The following MTCL1 variants were observed in gnomAD, a reference collection of about 807,000 sequenced individuals.
The protein encoded by MTCL1 is microtubule crosslinking factor 1.
Under a neutral mutation model 141.4 loss-of-function variants are expected in MTCL1, and 79 were observed. The ratio of observed to expected loss-of-function variants is 0.56; its 90% CI spans 0.47 to 0.67. MTCL1 has a LOEUF of 0.67. Ranked by LOEUF, MTCL1 falls within the 30% of genes least tolerant of loss-of-function variation. MTCL1 has a pLI of 0.00. For missense variants in MTCL1, 2,177 were observed against 2,113.9 expected, an observed-to-expected ratio of 1.03 and a Z score of -0.59; for synonymous variants, 914 against 875.8, an observed-to-expected ratio of 1.04 and a Z score of -0.77.
rs760879912 is a variant in MTCL1 at position 8,826,084 on chromosome 18, C to T, written c.4574C>T (p.Thr1525Met). 8 of 1,611,138 alleles carry T rather than the reference C, an allele frequency of 5.0e-6. No individual in the cohort carries two copies. In the Admixed American group the frequency reaches 5.0e-5, roughly 10 times the overall value. ...GACTTATCTGCTCCCCCTGGCTACA[C>T]GCTCACTGAGAACGTGGCCCGGATC... The change falls in exon 15 of 17, where the codon ACG (threonine) becomes ATG (methionine). Residue 1525 changes from threonine to methionine, a missense_variant. Physicochemically the swap from Thr to Met is moderately conservative, Grantham distance 81 (BLOSUM62 -1). Transcript: ENST00000359865.
chr18:8,825,195 G>T, exon 15 of MTCL1: 1 of 1,583,216 alleles, frequency 6.3e-7, no homozygotes, highest in Admixed American at 1.8e-5. Context: ...CACCAAGGGA[G>T]GCCCTCCAGA....
At chr18:8,716,146 T>G (rs1369579966), upstream of MTCL1, among the ~76,000 whole-genome samples, 1 of 152,270 alleles carries the variant, frequency 6.6e-6, no homozygotes, top group African/African-American at 2.4e-5. Context: ...CATCTTATAC[T>G]TTTAATATTT....
rs532917305 is a variant in MTCL1, at chr18:8,789,579, C to T, written c.1888-3419C>T. 82 of 985,362 alleles carry T rather than the reference C, an allele frequency of 8.3e-5. 1 individual carries two copies. The South Asian group carries it at 3.3e-3, about 40-fold the overall frequency. 61.0% of individuals were successfully genotyped at this position (985,362 alleles called of 1,614,324 possible). ...TTGGGGAAGACATGGACGGGAGTTC[C>T]GGAACACTGACGTGGGGAGAATGGT... On this transcript the variant is annotated intron_variant, in intron 7 of 16. Coordinates refer to ENST00000359865, the Ensembl canonical transcript of MTCL1.
intron 8 of MTCL1, 110 bp downstream of exon 7, chr18:8,793,230 T>G (rs2075799377): frequency 6.7e-7 from 1 of 1,486,142 alleles, no homozygotes; most frequent in Non-Finnish European, 9.1e-7. Flanking sequence ...TACAGGCTGC[T>G]AGACTCCTGG....
At chr18:8,757,635 G>A (rs368615125) in intron 4 of MTCL1, among the ~76,000 whole-genome samples, 2 of 152,196 alleles carry the variant, frequency 1.3e-5, no homozygotes, top group East Asian at 1.9e-4. Flanking sequence ...TGCAAGGGCC[G>A]TGTCCCCTTG....
intron 4 of MTCL1, among the ~76,000 whole-genome samples, chr18:8,728,923 C>T (rs566694829): frequency 4.0e-5 from 6 of 151,816 alleles, no homozygotes; most frequent in African/African-American, 1.4e-4. Flanking sequence ...TTAGAAGAAA[C>T]AAGGGTTTCA....
exon 17 of MTCL1, chr18:8,832,699 C>T (rs1036337197): frequency 2.0e-5 from 3 of 152,102 alleles, no homozygotes; most frequent in Non-Finnish European, 2.9e-5. Context: ...CACAAGGATA[C>T]CAAATGGAAA....
intron 4 of MTCL1, among the ~76,000 whole-genome samples, chr18:8,764,991 A>C (rs1483008678): frequency 6.6e-6 from 1 of 152,218 alleles, no homozygotes; most frequent in Non-Finnish European, 1.5e-5. Context: ...AAAACAAAAT[A>C]GTGGCCTATG....
At chr18:8,803,643 A>G (rs1397057349) in intron 10 of MTCL1, among the ~76,000 whole-genome samples, 2 of 152,164 alleles carry the variant, frequency 1.3e-5, no homozygotes, top group Non-Finnish European at 2.9e-5. Flanking sequence ...GATAACAGGT[A>G]CCAATAGCAT....
chr18:8,768,884 C>A (rs2096472397), intron 4 of MTCL1, among the ~76,000 whole-genome samples: 1 of 151,478 alleles, frequency 6.6e-6, no homozygotes, highest in Admixed American at 6.6e-5. Flanking sequence ...CTCCACCTCC[C>A]AGGTTCAAGC....
chr18:8,788,394 C>T (rs543036291), intron 7 of MTCL1, among the ~76,000 whole-genome samples: 7 of 152,204 alleles, frequency 4.6e-5, no homozygotes, highest in Non-Finnish European at 8.8e-5. Context: ...GTATCAGCGA[C>T]ATCAAAGAAG....
At chr18:8,812,285 G>GT (rs1001872496) in intron 11 of MTCL1, among the ~76,000 whole-genome samples, 5 of 151,424 alleles carry the variant, frequency 3.3e-5, no homozygotes, top group South Asian at 2.1e-4. Flanking sequence ...GGTTTTTTTT[G>GT]TTTTTTTGTT....
At chr18:8,765,880 G>A (rs2096457400) in intron 4 of MTCL1, among the ~76,000 whole-genome samples, 2 of 152,134 alleles carry the variant, frequency 1.3e-5, no homozygotes, top group African/African-American at 4.8e-5. Flanking sequence ...AGCAAACAGA[G>A]CTCCCTGACT....
intron 4 of MTCL1, among the ~76,000 whole-genome samples, chr18:8,747,994 G>A (rs1043515454): frequency 1.3e-5 from 2 of 152,080 alleles, no homozygotes; most frequent in African/African-American, 4.8e-5. Context: ...ACACACCTAA[G>A]CTCTGTGTCC....
intron 1 of MTCL1, among the ~76,000 whole-genome samples, chr18:8,707,839 C>T (rs1268628774): frequency 6.6e-6 from 1 of 152,188 alleles, no homozygotes; most frequent in East Asian, 1.9e-4. Flanking sequence ...GTGAAGTCTG[C>T]AGTTCACACG....
At chr18:8,718,085 C>A in intron 2 of MTCL1, 1 of 712,430 alleles carries the variant, frequency 1.4e-6, no homozygotes, top group East Asian at 4.2e-5. Context: ...AGGCTTAGGT[C>A]AATGTTTGGT....
chr18:8,804,132 C>G (rs903989968), intron 10 of MTCL1, among the ~76,000 whole-genome samples: 6 of 152,134 alleles, frequency 3.9e-5, no homozygotes, highest in African/African-American at 1.4e-4. Flanking sequence ...AGATGAAACT[C>G]CCAAACAAAT....
chr18:8,801,233 T>A (rs2076111268), intron 10 of MTCL1, among the ~76,000 whole-genome samples: 1 of 152,040 alleles, frequency 6.6e-6, no homozygotes, highest in Non-Finnish European at 1.5e-5. Flanking sequence ...TGCCCACCTT[T>A]GCTTGCCCAA....
chr18:8,761,800 C>G (rs957835827), intron 4 of MTCL1, among the ~76,000 whole-genome samples: 1 of 152,172 alleles, frequency 6.6e-6, no homozygotes, highest in Non-Finnish European at 1.5e-5. Flanking sequence ...TTCATTATCA[C>G]GAGAACAGCA....
Sources: allele counts gnomAD v4.1 joint callset (sites outside exome capture counted in the v4.1 genomes callset), GRCh38; gene constraint gnomAD v4.1.1; transcripts MANE v1.5; gene names NCBI Gene and HGNC (gene_info 2026-07-23, HGNC 2026-07-21).